DSTYK: variants seen among roughly 807,000 people sequenced by gnomAD.
DSTYK encodes the protein RIP-homologous kinase.
Under a neutral mutation model 98.7 loss-of-function variants are expected in DSTYK, and 34 were observed. That is an observed-to-expected ratio of 0.34 (90% CI 0.26 to 0.46). The LOEUF (loss-of-function observed/expected upper bound fraction) is 0.46, where lower values mean the gene tolerates loss of function less well. Ranked by LOEUF, DSTYK falls within the 20% of genes least tolerant of loss-of-function variation. DSTYK has a pLI of 1.00. For missense variants in DSTYK, 962 were observed against 1,181.7 expected (o/e 0.81, Z 2.73); for synonymous variants, 462 against 457.3 (o/e 1.01, Z -0.13).
intron 1 of DSTYK, among the ~76,000 whole-genome samples, chr1:205,194,671 C>T (rs1470422708): frequency 6.6e-6 from 1 of 151,656 alleles, no homozygotes; most frequent in Non-Finnish European, 1.5e-5. Flanking sequence ...GCATGAGCCG[C>T]CGTGCCTGGC....
chr1:205,166,993 G>A (rs893936563), intron 3 of DSTYK, among the ~76,000 whole-genome samples: 55 of 152,264 alleles, frequency 3.6e-4, no homozygotes, highest in Admixed American at 2.6e-4. Context: ...GAAGTAGTCC[G>A]CAGTACATAA....
At chr1:205,158,036 T>A (rs1252772568) in intron 9 of DSTYK, among the ~76,000 whole-genome samples, 2 of 152,172 alleles carry the variant, frequency 1.3e-5, no homozygotes, top group Non-Finnish European at 2.9e-5. Context: ...TCCATTGCTT[T>A]ACAGGCCTGG....
In DSTYK at chr1:205,142,508, C is replaced by T. The variant is rs1427764187; in HGVS notation, c.*5050G>A. 3 of 152,194 alleles carry T rather than the reference C, an allele frequency of 2.0e-5. No homozygotes were observed. Among genetic ancestry groups the T allele is most frequent in the Non-Finnish European group, 2.9e-5 (2 of 68,034 alleles). 9.4% of individuals were successfully genotyped at this position (152,194 alleles called of 1,614,324 possible). On this transcript the variant is annotated 3_prime_UTR_variant, in exon 13 of 13. Transcript: ENST00000367162. ...AAACCAAACAGATAGAAACCTAAAACGTTAATGTGATCTTTATTATACAGC... is the reference window on the plus strand; with the variant it reads ...AAACCAAACAGATAGAAACCTAAAATGTTAATGTGATCTTTATTATACAGC...
At chr1:205,172,117 C>T (rs567529677) in intron 2 of DSTYK, among the ~76,000 whole-genome samples, 5 of 152,074 alleles carry the variant, frequency 3.3e-5, no homozygotes, top group South Asian at 2.1e-4. Context: ...CCACCACGCC[C>T]GGCTAATTTT....
In DSTYK at chr1:205,159,536, T is replaced by G. The variant is rs1323225523; in HGVS notation, c.2238+11A>C. The G allele has an allele frequency of 6.2e-7, 1 of 1,606,148 alleles. No individual in the cohort carries two copies. The highest frequency in any genetic ancestry group is 2.2e-5 in the East Asian group (1 of 44,672). ...GATTTGGCTGCCAGCTGGATCTTGC[T>G]CTCTCCTTACCTTCAGCCCTGTGTA... On this transcript the variant is annotated intron_variant, in intron 9 of 12. Transcript: ENST00000367162.
intron 1 of DSTYK, 94 bp downstream of exon 1, chr1:205,211,177 C>G: frequency 8.2e-6 from 12 of 1,469,542 alleles, no homozygotes; most frequent in South Asian, 2.8e-5. Context: ...TCCGCCTGCC[C>G]GAGAAGACTC....
At chr1:205,194,954 T>A (rs1276286447) in intron 1 of DSTYK, among the ~76,000 whole-genome samples, 2 of 151,366 alleles carry the variant, frequency 1.3e-5, no homozygotes, top group Non-Finnish European at 2.9e-5. Flanking sequence ...TGCCTCAGCC[T>A]CCCGAGTAGC....
intron 1 of DSTYK, among the ~76,000 whole-genome samples, chr1:205,203,794 T>C (rs1201933090): frequency 2.0e-5 from 3 of 150,832 alleles, no homozygotes; most frequent in African/African-American, 4.9e-5. Context: ...TGTGTGCCTG[T>C]AGCCCCAGCT....
At chr1:205,191,059 T>C (rs1455905240) in intron 1 of DSTYK, among the ~76,000 whole-genome samples, 3 of 152,118 alleles carry the variant, frequency 2.0e-5, no homozygotes, top group Non-Finnish European at 4.4e-5. Context: ...CTGACCCAAA[T>C]GAACACTTCC....
Position 205,159,649 on chromosome 1 carries a change from A to T in DSTYK, c.2136T>A (p.Asp712Glu). Residue 712 changes from aspartate to glutamate, a missense_variant, in exon 9 of 13, where the codon GAT becomes GAA. Around this residue, in one of 4 missense-constraint regions of DSTYK, gnomAD observed 660 missense variants for 855.0 expected, o/e 0.77. Coordinates refer to ENST00000367162, the MANE Select transcript of DSTYK (RefSeq NM_015375.3). The part of the protein sequence containing the change: ...RSLPKHERLV[D>E]LHGSVIDYNY... Reference sequence around the variant, plus strand: ...TGTAGTCAATGACTGAACCATGGAGATCCACCAATCGCTCATGCTTCGGCA... The same window carrying T: ...TGTAGTCAATGACTGAACCATGGAGTTCCACCAATCGCTCATGCTTCGGCA... 6.2e-7 allele frequency: 1 copy of T among 1,613,734 alleles called. No individual in the cohort carries two copies. Among genetic ancestry groups the T allele is most frequent in the Non-Finnish European group, 8.5e-7 (1 of 1,179,976 alleles).
intron 10 of DSTYK, among the ~76,000 whole-genome samples, chr1:205,156,619 C>G (rs1188271834): frequency 6.6e-6 from 1 of 152,178 alleles, no homozygotes; most frequent in Non-Finnish European, 1.5e-5. Context: ...AACTAACTTG[C>G]TTTTGATTTT....
At chr1:205,211,134 C>T in intron 1 of DSTYK, 137 bp downstream of exon 1, 3 of 1,314,058 alleles carry the variant, frequency 2.3e-6, no homozygotes, top group East Asian at 2.8e-5. Flanking sequence ...GGCCCATGCC[C>T]GGGGACCCGG....
chr1:205,181,653 GGTTTGTGTGTGTGT>G (rs1481723687), intron 2 of DSTYK, among the ~76,000 whole-genome samples: 8 of 84,048 alleles, frequency 9.5e-5, no homozygotes, highest in East Asian at 2.5e-4. Context: ...CAGATGTTGG[GGTTTGTGTGTGTGT>G]GTGTGTGTGT....
chr1:205,191,143 T>C (rs945445427), intron 1 of DSTYK, among the ~76,000 whole-genome samples: 2 of 152,184 alleles, frequency 1.3e-5, no homozygotes, highest in African/African-American at 4.8e-5. Flanking sequence ...ACCAGCGCAG[T>C]AGGAAAGGGT....
chr1:205,193,306 C>G (rs7536494), intron 1 of DSTYK, among the ~76,000 whole-genome samples: 126,058 of 152,118 alleles, frequency 0.83, 52,883 homozygotes, highest in East Asian at 0.97. Flanking sequence ...CTTTAAGATA[C>G]ATACTTTATT....
rs970407513 is a variant in DSTYK at position 205,143,806 on chromosome 1, G to A, written c.*3752C>T. 2 of 152,524 alleles carry A rather than the reference G, an allele frequency of 1.3e-5. No homozygotes were observed. Among genetic ancestry groups the A allele is most frequent in the African/African-American group, 2.4e-5 (1 of 41,438 alleles). The allele number at this position is 152,524 out of a possible 1,614,324, so 9.4% of individuals were successfully genotyped here. ...ATTTGAGAGCTGACAGGTACTAGTC[G>A]AGAGTTCTATGAGTCCCCTATTTCT... On this transcript the variant is annotated 3_prime_UTR_variant, in exon 13 of 13. Coordinates refer to ENST00000367162, the MANE Select transcript of DSTYK (RefSeq NM_015375.3).
chr1:205,150,762 G>A lies in DSTYK; in HGVS notation c.2385C>T (p.Asp795=), dbSNP rs924983711. The change falls in exon 11 of 13, where the codon GAC becomes GAT. Residue 795 remains aspartate, a synonymous_variant. Transcript: ENST00000367162. The surrounding 1 kb of genome is among the most constrained non-coding windows in gnomAD (Gnocchi z 4.1). ...LDKQNRAKIT[D]LGFCKPEAMM... The stretch of plus-strand genomic sequence containing the variant: ...TGGCCTCTGGCTTGCAGAATCCTAA[G>A]TCAGTGATCTTGGCACGGTTCTGCT... The A allele has an allele frequency of 6.2e-7, 1 of 1,614,136 alleles. No individual in the cohort carries two copies. Among genetic ancestry groups the A allele is most frequent in the South Asian group, 1.1e-5 (1 of 91,084 alleles).
intron 3 of DSTYK, among the ~76,000 whole-genome samples, chr1:205,164,920 T>C (rs139948614): frequency 7.2e-4 from 109 of 152,222 alleles, no homozygotes; most frequent in Non-Finnish European, 1.4e-3. Context: ...GGAAACAGCC[T>C]CAAAGAGAGA....
chr1:205,156,661 T>G (rs761983631), intron 10 of DSTYK, among the ~76,000 whole-genome samples: 11 of 152,228 alleles, frequency 7.2e-5, no homozygotes, highest in Non-Finnish European at 1.5e-4. Context: ...ACTTGCGTTG[T>G]CTCAGATAAA....
Sources: allele counts gnomAD v4.1 joint callset (sites outside exome capture counted in the v4.1 genomes callset), GRCh38; gene constraint gnomAD v4.1.1; regional missense constraint gnomAD v4.1.1; non-coding constraint Gnocchi (gnomAD v3.1); transcripts MANE v1.5; gene names NCBI Gene and HGNC (gene_info 2026-07-23, HGNC 2026-07-21).